The following SLC39A7 variants were observed in gnomAD, a reference collection of about 807,000 sequenced individuals.
The protein encoded by SLC39A7 is solute carrier family 39 member 7.
Under a neutral mutation model 39.7 loss-of-function variants are expected in SLC39A7, and 25 were observed. The observed-to-expected ratio is 0.63, with a 90% CI of 0.46 to 0.88. SLC39A7 has a LOEUF of 0.88. SLC39A7 is among the 40% of genes least tolerant of loss of function. The pLI is 0.00. For missense variants in SLC39A7, 501 were observed against 592.1 expected, an observed-to-expected ratio of 0.85 and a Z score of 1.60; for synonymous variants, 181 against 234.1, an observed-to-expected ratio of 0.77 and a Z score of 2.07.
chr6:33,202,185 A>G lies in SLC39A7; in HGVS notation c.634+60A>G. 6 of 1,598,154 alleles carry G rather than the reference A, an allele frequency of 3.8e-6. No homozygotes were observed. In the South Asian group the frequency reaches 5.5e-5, roughly 15 times the overall value. ...TGCTGGGGAAGGTCCGTCTCTCCCT[A>G]TTCCTCACCTCCCGCACTTGAGGAG... is the stretch of plus-strand genomic sequence containing the variant. On this transcript the variant is annotated intron_variant, in intron 3 of 6. Coordinates refer to ENST00000374677, the MANE Select transcript of SLC39A7 (RefSeq NM_006979.3).
chr6:33,203,966 G>A lies in SLC39A7; in HGVS notation c.*153G>A. On this transcript the variant is annotated 3_prime_UTR_variant, in exon 7 of 7. Coordinates refer to ENST00000374677, the MANE Select transcript of SLC39A7 (RefSeq NM_006979.3). Reference sequence around the variant, plus strand: ...TTTGGCATTAGGGCCTTCAAGGGCTGGCAGTCTTACAGAGGCTGGAGCGGT... The same window carrying A: ...TTTGGCATTAGGGCCTTCAAGGGCTAGCAGTCTTACAGAGGCTGGAGCGGT... 1.4e-6 allele frequency: 1 copy of A among 719,424 alleles called. No individual in the cohort carries two copies. Among genetic ancestry groups the A allele is most frequent in the South Asian group, 1.8e-5 (1 of 57,128 alleles). 44.6% of individuals were successfully genotyped at this position (719,424 alleles called of 1,614,324 possible).
chr6:33,202,223 A>G, intron 3 of SLC39A7, 40 bp from the exon 4 acceptor site: 1 of 1,601,726 alleles, frequency 6.2e-7, no homozygotes, highest in Non-Finnish European at 8.5e-7. Context: ...GGAGTCTGGA[A>G]TGCACATCTC....
At position 33,201,641 on chromosome 6, in the gene SLC39A7, C is replaced by A; in HGVS notation, c.396C>A (p.Val132=). 1 of 1,610,824 alleles carries A rather than the reference C, an allele frequency of 6.2e-7. No homozygotes were observed. The highest frequency in any genetic ancestry group is 8.5e-7 in the Non-Finnish European group (1 of 1,177,654). The change falls in exon 1 of 7, where the codon GTC becomes GTA. Residue 132 remains valine, a synonymous_variant. Transcript: ENST00000374677. The surrounding 1 kb of genome is among the most constrained non-coding windows in gnomAD (Gnocchi z 5.9). ...APGIKQDLDA[V]TLWAYALGAT... ...GCATCAAGCAGGACCTGGATGCTGT[C>A]ACTCTCTGGGCTTATGTGAGTCTCC...
chr6:33,203,848 C>T lies in SLC39A7; in HGVS notation c.*35C>T. 1.2e-6 allele frequency: 2 copies of T among 1,608,730 alleles called. No individual in the cohort carries two copies. The highest frequency in any genetic ancestry group is 1.1e-5 in the South Asian group (1 of 90,948). ...AAACTACCCCTGCCCCAAACCTCTA[C>T]CCCTAACTCCAGGTCAGGGGTGCGT... On this transcript the variant is annotated 3_prime_UTR_variant, in exon 7 of 7. Coordinates refer to ENST00000374677, the MANE Select transcript of SLC39A7 (RefSeq NM_006979.3).
chr6:33,201,046 T>A lies in SLC39A7; in HGVS notation c.-200T>A. The A allele has an allele frequency of 2.6e-6, 2 of 757,216 alleles. No homozygotes were observed. Among genetic ancestry groups the A allele is most frequent in the Non-Finnish European group, 4.6e-6 (2 of 430,246 alleles). The allele number at this position is 757,216 out of a possible 1,614,324, so 46.9% of individuals were successfully genotyped here. A position where few individuals can be genotyped will look rare whatever the true frequency, so the allele number is the denominator to read the frequency against. ...GTCTGTAAAGTGGCTGGTGAAAGAT[T>A]AGTGTCCCAGGGCCCTACATCCGGG... On this transcript the variant is annotated 5_prime_UTR_variant, in exon 1 of 7. Transcript: ENST00000374677. The surrounding 1 kb of genome is among the most constrained non-coding windows in gnomAD (Gnocchi z 5.9).
Position 33,204,103 on chromosome 6 carries a change from C to T in SLC39A7, c.*290C>T. The T allele has an allele frequency of 1.8e-6, 1 of 557,994 alleles. No individual in the cohort carries two copies. The highest frequency in any genetic ancestry group is 2.2e-5 in the South Asian group (1 of 45,378). 34.6% of individuals were successfully genotyped at this position (557,994 alleles called of 1,614,324 possible). A position where few individuals can be genotyped will look rare whatever the true frequency, so the allele number is the denominator to read the frequency against. ...TGGAAGGGACAGGGGGTGATGGCAGCCTACCTGGTGTCCCCTACCCCACCT... is the reference window on the plus strand; with the variant it reads ...TGGAAGGGACAGGGGGTGATGGCAGTCTACCTGGTGTCCCCTACCCCACCT... On this transcript the variant is annotated 3_prime_UTR_variant, in exon 7 of 7. Coordinates refer to ENST00000374677, the MANE Select transcript of SLC39A7 (RefSeq NM_006979.3).
Position 33,203,824 on chromosome 6 carries a change from A to G in SLC39A7, c.*11A>G. On this transcript the variant is annotated 3_prime_UTR_variant, in exon 7 of 7. Transcript: ENST00000374677. Reference sequence around the variant, plus strand: ...GCCCACCTTGAGTGAGGGGTGGATAAACTACCCCTGCCCCAAACCTCTACC... The same window carrying G: ...GCCCACCTTGAGTGAGGGGTGGATAGACTACCCCTGCCCCAAACCTCTACC... The G allele has an allele frequency of 6.2e-7, 1 of 1,613,152 alleles. No homozygotes were observed. The highest frequency in any genetic ancestry group is 8.5e-7 in the Non-Finnish European group (1 of 1,179,550).
At position 33,200,888 on chromosome 6, in the gene SLC39A7, G is replaced by A; in HGVS notation, c.-358G>A. ...CTTCCTGTTCTCGCGGGATCTAAAG[G>A]CGGGACTGCCACGTCCAAGCAAACC... On this transcript the variant is annotated 5_prime_UTR_variant, in exon 1 of 7. Transcript: ENST00000374677. This position sits in a 1 kb window ranked among gnomAD's most constrained non-coding sequence, Gnocchi z 6.3. 7.2e-7 allele frequency: 1 copy of A among 1,384,928 alleles called. No homozygotes were observed. Among genetic ancestry groups the A allele is most frequent in the Non-Finnish European group, 9.9e-7 (1 of 1,007,932 alleles). The allele number at this position is 1,384,928 out of a possible 1,614,324, so 85.8% of individuals were successfully genotyped here.
rs377093671 is a variant in SLC39A7 at position 33,203,461 on chromosome 6, CT to C, written c.1138-79del. Reference sequence around the variant, plus strand: ...GTTTCCAAATCCATGTCCCCTATACCTATACCCCACCAGCCACTTCTAAACC... The same window carrying C: ...GTTTCCAAATCCATGTCCCCTATACCATACCCCACCAGCCACTTCTAAACC... On this transcript the variant is annotated intron_variant, in intron 6 of 6. Coordinates refer to ENST00000374677, the MANE Select transcript of SLC39A7 (RefSeq NM_006979.3). The C allele has an allele frequency of 2.2e-3, 3,205 of 1,466,894 alleles. 67 individuals are homozygous for C. The South Asian group carries it at 0.032, about 15-fold the overall frequency. The allele number at this position is 1,466,894 out of a possible 1,614,324, so 90.9% of individuals were successfully genotyped here.
chr6:33,201,077 G>T lies in SLC39A7; in HGVS notation c.-169G>T. The T allele has an allele frequency of 1.2e-6, 1 of 811,616 alleles. No homozygotes were observed. The highest frequency in any genetic ancestry group is 2.1e-6 in the Non-Finnish European group (1 of 480,616). The allele number at this position is 811,616 out of a possible 1,614,324, so 50.3% of individuals were successfully genotyped here. A position where few individuals can be genotyped will look rare whatever the true frequency, so the allele number is the denominator to read the frequency against. ...CCCAGGGCCCTACATCCGGGAGGTG[G>T]TTCGGGATAAAGAGAACTAGTCTTG... is the stretch of plus-strand genomic sequence containing the variant. On this transcript the variant is annotated 5_prime_UTR_variant, in exon 1 of 7. Coordinates refer to ENST00000374677, the MANE Select transcript of SLC39A7 (RefSeq NM_006979.3). The surrounding 1 kb of genome is among the most constrained non-coding windows in gnomAD (Gnocchi z 5.9).
rs180731444 is a variant in SLC39A7 at position 33,202,227 on chromosome 6, A to C, written c.635-36A>C. 3,339 of 1,603,038 alleles carry C rather than the reference A, an allele frequency of 2.1e-3. 23 individuals carry two copies. The highest frequency in any genetic ancestry group is 6.9e-3 in the Middle Eastern group (42 of 6,050). On this transcript the variant is annotated intron_variant, in intron 3 of 6. Coordinates refer to ENST00000374677, the MANE Select transcript of SLC39A7 (RefSeq NM_006979.3). ...CTTGAGGAGGAGGAGTCTGGAATGC[A>C]CATCTCCCTTAATGTCTCAATGCCT...
Position 33,201,449 on chromosome 6 carries a change from C to G in SLC39A7, c.204C>G (p.His68Gln), listed in dbSNP as rs1226954350. ...HSHAHGHGHT[H>Q]ESIWHGHTHD... is the part of the protein sequence containing the mutation. ...ATGCCCATGGCCATGGCCACACTCA[C>G]GAGAGCATCTGGCATGGACATACCC... Residue 68 changes from histidine (H) to glutamine (Q), a missense_variant, in exon 1 of 7, where the codon CAC becomes CAG. Coordinates refer to ENST00000374677, the MANE Select transcript of SLC39A7 (RefSeq NM_006979.3). This position sits in a 1 kb window ranked among gnomAD's most constrained non-coding sequence, Gnocchi z 5.9. 8 of 1,613,970 alleles carry G rather than the reference C, an allele frequency of 5.0e-6. No individual in the cohort carries two copies. The highest frequency in any genetic ancestry group is 6.8e-6 in the Non-Finnish European group (8 of 1,179,960).
In SLC39A7 at chr6:33,201,397, A is replaced by T. The variant is rs763865179; in HGVS notation, c.152A>T (p.His51Leu). 3.7e-6 allele frequency: 6 copies of T among 1,614,040 alleles called. No individual in the cohort carries two copies. In the Admixed American group the frequency reaches 8.3e-5, roughly 22 times the overall value. ...CATGGCCACAGCCACAGGCACTCAC[A>T]TGAAGATTTCCACCATGGCCACAGC... ...DFHGHSHRHS[H>L]EDFHHGHSHA... Residue 51 changes from histidine to leucine, a missense_variant, in exon 1 of 7, where the codon CAT becomes CTT. Coordinates refer to ENST00000374677, the MANE Select transcript of SLC39A7 (RefSeq NM_006979.3). This position sits in a 1 kb window ranked among gnomAD's most constrained non-coding sequence, Gnocchi z 5.9.
Position 33,202,553 on chromosome 6 carries a change from C to T in SLC39A7, c.800-7C>T. On this transcript the variant is annotated splice_polypyrimidine_tract_variant and splice_region_variant and intron_variant, in intron 4 of 6. Coordinates refer to ENST00000374677, the MANE Select transcript of SLC39A7 (RefSeq NM_006979.3). ...CTCCACTCTGACCAACTCTTTTCTT[C>T]CCTCAGAGCGTTCTACCAAGGAGAA... 6.3e-7 allele frequency: 1 copy of T among 1,595,220 alleles called. No homozygotes were observed. Among genetic ancestry groups the T allele is most frequent in the Non-Finnish European group, 8.5e-7 (1 of 1,173,658 alleles).
rs1431924813 is a variant in SLC39A7 at position 33,204,236 on chromosome 6, G to C, written c.*423G>C. Reference sequence around the variant, plus strand: ...GAAGACCAGAGTCCTGGACAGAGAGGGTAACAGGAGGAGTCGGGGATAAAC... The same window carrying C: ...GAAGACCAGAGTCCTGGACAGAGAGCGTAACAGGAGGAGTCGGGGATAAAC... On this transcript the variant is annotated 3_prime_UTR_variant, in exon 7 of 7. Coordinates refer to ENST00000374677, the MANE Select transcript of SLC39A7 (RefSeq NM_006979.3). 1 of 466,138 alleles carries C rather than the reference G, an allele frequency of 2.1e-6. No homozygotes were observed. The highest frequency in any genetic ancestry group is 3.8e-5 in the Admixed American group (1 of 26,324). The allele number at this position is 466,138 out of a possible 1,614,324, so 28.9% of individuals were successfully genotyped here.
chr6:33,201,771 A>G lies in SLC39A7; in HGVS notation c.438A>G (p.Ser146=), dbSNP rs1562429890. Residue 146 remains serine (S), a synonymous_variant, in exon 2 of 7, where the codon TCA becomes TCG. Coordinates refer to ENST00000374677, the MANE Select transcript of SLC39A7 (RefSeq NM_006979.3). The surrounding 1 kb of genome is among the most constrained non-coding windows in gnomAD (Gnocchi z 5.9). Reference sequence around the variant, plus strand: ...CACTGGGGGCCACAGTGCTGATCTCAGCAGCTCCATTTTTTGTCCTCTTCC... The same window carrying G: ...CACTGGGGGCCACAGTGCTGATCTCGGCAGCTCCATTTTTTGTCCTCTTCC... ...AYALGATVLI[S]AAPFFVLFLI... is the part of the protein sequence containing the mutation. 1 of 1,614,016 alleles carries G rather than the reference A, an allele frequency of 6.2e-7. No individual in the cohort carries two copies. Among genetic ancestry groups the G allele is most frequent in the Non-Finnish European group, 8.5e-7 (1 of 1,180,024 alleles).
chr6:33,201,427 C>CCCATGG lies in SLC39A7; in HGVS notation c.192_197dup (p.Gly65_His66dup), dbSNP rs574696426. ...GATTTCCACCATGGCCACAGCCATG[C>CCCATGG]CCATGGCCATGGCCACACTCACGAG... On this transcript the variant is annotated inframe_insertion, in exon 1 of 7. Transcript: ENST00000374677. The surrounding 1 kb of genome is among the most constrained non-coding windows in gnomAD (Gnocchi z 5.9). 85 of 1,613,430 alleles carry CCCATGG rather than the reference C, an allele frequency of 5.3e-5. 1 individual carries two copies. The African/African-American group carries it at 1.1e-3, about 20-fold the overall frequency.
Position 33,203,926 on chromosome 6 carries a change from T to C in SLC39A7, c.*113T>C. 1 of 1,063,388 alleles carries C rather than the reference T, an allele frequency of 9.4e-7. No individual in the cohort carries two copies. The highest frequency in any genetic ancestry group is 2.2e-5 in the Admixed American group (1 of 45,994). 65.9% of individuals were successfully genotyped at this position (1,063,388 alleles called of 1,614,324 possible). Reference sequence around the variant, plus strand: ...TCTGCCAAAGGAAGGAACTGTAGCCTGGGAGAATGGTTACTTTGGCATTAG... The same window carrying C: ...TCTGCCAAAGGAAGGAACTGTAGCCCGGGAGAATGGTTACTTTGGCATTAG... On this transcript the variant is annotated 3_prime_UTR_variant, in exon 7 of 7. Transcript: ENST00000374677.
In SLC39A7 at chr6:33,201,468, C is replaced by T. The variant is rs771301853; in HGVS notation, c.223C>T (p.His75Tyr). 1.9e-6 allele frequency: 3 copies of T among 1,614,140 alleles called. No individual in the cohort carries two copies. The highest frequency in any genetic ancestry group is 4.5e-5 in the East Asian group (2 of 44,880). ...GHTHESIWHG[H>Y]THDHDHGHSH... ...CACTCACGAGAGCATCTGGCATGGA[C>T]ATACCCACGATCACGACCATGGACA... Residue 75 changes from histidine to tyrosine, a missense_variant, in exon 1 of 7, where the codon CAT (histidine) becomes TAT (tyrosine). Physicochemically the swap from His to Tyr is moderately conservative, Grantham distance 83. Coordinates refer to ENST00000374677, the MANE Select transcript of SLC39A7 (RefSeq NM_006979.3). This position sits in a 1 kb window ranked among gnomAD's most constrained non-coding sequence, Gnocchi z 5.9.
Sources: allele counts gnomAD v4.1 joint callset, GRCh38; gene constraint gnomAD v4.1.1; non-coding constraint Gnocchi (gnomAD v3.1); transcripts MANE v1.5; gene names NCBI Gene and HGNC (gene_info 2026-07-23, HGNC 2026-07-21).